The following TBC1D22A variants were observed in gnomAD, a reference collection of about 807,000 sequenced individuals.
TBC1D22A encodes the protein putative GTPase activator.
TBC1D22A carries 38 observed loss-of-function variants against 60.2 expected under a neutral mutation model. That is an observed-to-expected ratio of 0.63 (90% CI 0.49 to 0.83). TBC1D22A has a LOEUF of 0.83. TBC1D22A is among the 40% of genes least tolerant of loss of function. TBC1D22A has a pLI of 0.00. For synonymous variants in TBC1D22A, 302 were observed against 281.7 expected, an observed-to-expected ratio of 1.07 and a Z score of -0.72; for missense variants, 628 against 701.0, an observed-to-expected ratio of 0.90 and a Z score of 1.18.
intron 11 of TBC1D22A, among the ~76,000 whole-genome samples, chr22:47,071,056 A>C (rs1376615986): frequency 6.6e-6 from 1 of 152,258 alleles, no homozygotes; most frequent in African/African-American, 2.4e-5. Flanking sequence ...AGATTATTGA[A>C]CTTAAAGTGA....
chr22:46,909,924 G>A (rs952564347), intron 7 of TBC1D22A, among the ~76,000 whole-genome samples: 1 of 152,180 alleles, frequency 6.6e-6, no homozygotes, highest in African/African-American at 2.4e-5. Context: ...AGGGGTTGCC[G>A]CCCTGCTTCT....
At chr22:46,860,918 G>T (rs1436650709) in intron 4 of TBC1D22A, among the ~76,000 whole-genome samples, 1 of 152,218 alleles carries the variant, frequency 6.6e-6, no homozygotes, top group Non-Finnish European at 1.5e-5. Flanking sequence ...TTCCTTTGGG[G>T]GAGGCTCTGC....
chr22:47,170,461 G>T (rs191270604), intron 12 of TBC1D22A, among the ~76,000 whole-genome samples: 101 of 152,318 alleles, frequency 6.6e-4, no homozygotes, highest in African/African-American at 2.3e-3. Context: ...ATGTTGATAT[G>T]TCCCCAGGGA....
At chr22:47,040,269 G>A (rs1208141997) in intron 11 of TBC1D22A, among the ~76,000 whole-genome samples, 5 of 152,066 alleles carry the variant, frequency 3.3e-5, no homozygotes, top group Non-Finnish European at 5.9e-5. Context: ...TAAACAACCC[G>A]ATCTCAGGAG....
At chr22:46,984,488 A>C (rs1334568771) in intron 9 of TBC1D22A, among the ~76,000 whole-genome samples, 1 of 150,920 alleles carries the variant, frequency 6.6e-6, no homozygotes, top group Non-Finnish European at 1.5e-5. Context: ...CATTTCACTA[A>C]CAGCACTCAT....
chr22:46,987,756 G>A (rs1007249110), intron 9 of TBC1D22A, among the ~76,000 whole-genome samples: 1 of 152,206 alleles, frequency 6.6e-6, no homozygotes, highest in African/African-American at 2.4e-5. Context: ...GATCAGGGTG[G>A]TGGTTGCCGA....
chr22:46,836,994 T>TAA (rs34771491), intron 4 of TBC1D22A, among the ~76,000 whole-genome samples: 176 of 134,920 alleles, frequency 1.3e-3, no homozygotes, highest in Middle Eastern at 4.3e-3. Context: ...TCTTGTCTCC[T>TAA]AAAAAAAAAA....
At chr22:46,850,122 T>G (rs1246100187) in intron 4 of TBC1D22A, among the ~76,000 whole-genome samples, 1 of 152,152 alleles carries the variant, frequency 6.6e-6, no homozygotes, top group Non-Finnish European at 1.5e-5. Context: ...GCATGGTGGA[T>G]GCAGGCAGGG....
chr22:46,941,474 TATATATAC>T (rs2072076005), intron 8 of TBC1D22A, among the ~76,000 whole-genome samples: 2 of 133,240 alleles, frequency 1.5e-5, no homozygotes, highest in African/African-American at 5.3e-5. Context: ...ATACACGGAA[TATATATAC>T]GGAATATATA....
intron 4 of TBC1D22A, among the ~76,000 whole-genome samples, chr22:46,839,546 A>G (rs765887554): frequency 1.3e-5 from 2 of 152,220 alleles, no homozygotes; most frequent in Non-Finnish European, 2.9e-5. Context: ...ACATAGGACA[A>G]TCTCTATCAA....
intron 4 of TBC1D22A, among the ~76,000 whole-genome samples, chr22:46,871,968 G>C (rs555553302): frequency 6.6e-6 from 1 of 152,176 alleles, no homozygotes; most frequent in African/African-American, 2.4e-5. Flanking sequence ...TATCAGAAAT[G>C]AAAGAGGAGA....
At chr22:47,001,917 G>A (rs991199432) in intron 10 of TBC1D22A, among the ~76,000 whole-genome samples, 1 of 152,110 alleles carries the variant, frequency 6.6e-6, no homozygotes, top group African/African-American at 2.4e-5. Flanking sequence ...TTAGGATGTC[G>A]CCTAATCTGT....
chr22:46,929,795 C>A (rs751880540), intron 8 of TBC1D22A, among the ~76,000 whole-genome samples: 2 of 152,144 alleles, frequency 1.3e-5, no homozygotes, highest in Admixed American at 6.5e-5. Flanking sequence ...GGATTGGAAT[C>A]CGTGGACTGC....
At chr22:47,172,099 G>A (rs1456403839) in intron 12 of TBC1D22A, among the ~76,000 whole-genome samples, 1 of 145,286 alleles carries the variant, frequency 6.9e-6, no homozygotes, top group Admixed American at 6.8e-5. Flanking sequence ...CTCCCAGTGA[G>A]CTGTGTGCTC....
At chr22:46,866,196 C>G (rs2067044031) in intron 4 of TBC1D22A, among the ~76,000 whole-genome samples, 1 of 152,222 alleles carries the variant, frequency 6.6e-6, no homozygotes, top group Non-Finnish European at 1.5e-5. Flanking sequence ...CCTCCTCCTC[C>G]TGGGTTCAAG....
At chr22:46,915,533 C>T (rs757650193) in intron 8 of TBC1D22A, 2 of 456,716 alleles carry the variant, frequency 4.4e-6, no homozygotes, top group Admixed American at 2.3e-5. Context: ...GGTGTGGCTA[C>T]CTCCTGAGAG....
chr22:47,123,204 AC>A lies in TBC1D22A; in HGVS notation c.1425+11602del, dbSNP rs2066333957. Among the ~76,000 whole-genome samples, 12 of 151,994 alleles carry A rather than the reference AC, an allele frequency of 7.9e-5. No homozygotes were observed. The South Asian group carries it at 2.5e-3, about 32-fold the overall frequency. ...CCCAGCCCTTCCCTTTGGCCTGAAA[AC>A]AGAGAGCACCAGCTGCTTCCCGGGT... On this transcript the variant is annotated intron_variant, in intron 12 of 12. Transcript: ENST00000337137.
chr22:46,789,972 A>G (rs968417320), intron 1 of TBC1D22A, among the ~76,000 whole-genome samples: 1 of 126,818 alleles, frequency 7.9e-6, no homozygotes, highest in East Asian at 2.1e-4. Flanking sequence ...AAAGGACACA[A>G]GAGTGGCTCA....
chr22:46,822,482 C>T (rs185342390), intron 4 of TBC1D22A, among the ~76,000 whole-genome samples: 16 of 152,006 alleles, frequency 1.1e-4, no homozygotes, highest in African/African-American at 3.1e-4. Flanking sequence ...GTTTTTCTTG[C>T]AATAGTCAGG....
Sources: gnomAD v4.1 joint callset for allele counts (sites outside exome capture counted in the v4.1 genomes callset) on GRCh38, gnomAD v4.1.1 for gene constraint, MANE v1.5 for transcripts, NCBI Gene and HGNC (gene_info 2026-07-23, HGNC 2026-07-21) for gene names.